The following RNF125 variants were observed in gnomAD, a reference collection of about 807,000 sequenced individuals.
RNF125 encodes the protein E3 ubiquitin-protein ligase RNF125.
Under a neutral mutation model 26.0 loss-of-function variants are expected in RNF125, and 21 were observed. The observed-to-expected ratio is 0.81, with a 90% CI of 0.57 to 1.16. The LOEUF is 1.16. Among genes scored for constraint, RNF125 ranks in the 50% most tolerant of loss-of-function variants. The pLI, the probability that RNF125 is intolerant of heterozygous loss-of-function variation, is 0.00. For missense variants in RNF125, 270 were observed against 299.4 expected, an observed-to-expected ratio of 0.90 and a Z score of 0.72; for synonymous variants, 95 against 109.2, an observed-to-expected ratio of 0.87 and a Z score of 0.81.
intron 2 of RNF125, among the ~76,000 whole-genome samples, chr18:32,038,174 G>A (rs112151377): frequency 6.7e-6 from 1 of 150,014 alleles, no homozygotes; most frequent in East Asian, 2.0e-4. Context: ...TCAGCTTCCC[G>A]AGTAGCTGGG....
At chr18:32,040,514 C>T (rs182974840) in intron 2 of RNF125, among the ~76,000 whole-genome samples, 30 of 151,816 alleles carry the variant, frequency 2.0e-4, no homozygotes, top group African/African-American at 7.0e-4. Flanking sequence ...AGGTAATCCA[C>T]CCACTTCAGC....
At chr18:32,020,459 G>T (rs2038976297) in intron 1 of RNF125, among the ~76,000 whole-genome samples, 1 of 151,982 alleles carries the variant, frequency 6.6e-6, no homozygotes, top group Admixed American at 6.6e-5. Flanking sequence ...ATAGTATGAT[G>T]AAGCCATGTG....
chr18:32,049,368 G>A (rs903097487), intron 4 of RNF125, among the ~76,000 whole-genome samples: 2 of 152,166 alleles, frequency 1.3e-5, no homozygotes, highest in African/African-American at 4.8e-5. Flanking sequence ...AATGGGGATG[G>A]TGATGACATT....
At chr18:32,067,775 AG>A (rs2039497995) in intron 5 of RNF125, among the ~76,000 whole-genome samples, 1 of 152,126 alleles carries the variant, frequency 6.6e-6, no homozygotes, top group Non-Finnish European at 1.5e-5. Context: ...GGAAGAGGAG[AG>A]GGATTGCAGA....
intron 1 of RNF125, among the ~76,000 whole-genome samples, chr18:32,035,077 G>T (rs2039139846): frequency 6.6e-6 from 1 of 152,050 alleles, no homozygotes; most frequent in Non-Finnish European, 1.5e-5. Context: ...GTCTATACTT[G>T]ACTTGGCTTG....
At chr18:32,079,114 A>G in the RNF125 span, among the ~76,000 whole-genome samples, 1 of 152,184 alleles carries the variant, frequency 6.6e-6, no homozygotes, top group Non-Finnish European at 1.5e-5. Context: ...TAGAAATTCA[A>G]TTCATGTGTC....
chr18:32,032,184 C>T (rs906536619), intron 1 of RNF125, among the ~76,000 whole-genome samples: 3 of 152,316 alleles, frequency 2.0e-5, no homozygotes, highest in Middle Eastern at 6.8e-3. Context: ...TCAAGTGATT[C>T]TCCCACCTCA....
intron 2 of RNF125, among the ~76,000 whole-genome samples, chr18:32,039,869 T>TGA (rs1182122904): frequency 2.0e-5 from 3 of 151,522 alleles, no homozygotes; most frequent in Non-Finnish European, 4.4e-5. Context: ...AACCTCCACT[T>TGA]TGCACGTTCA....
At chr18:32,031,232 T>C (rs1331165314) in intron 1 of RNF125, 2 of 151,848 alleles carry the variant, frequency 1.3e-5, no homozygotes, top group African/African-American at 4.8e-5. Flanking sequence ...TTGAAAAGAC[T>C]ACAAAATTTG....
chr18:32,083,610 A>C, the RNF125 span, among the ~76,000 whole-genome samples: 1 of 152,106 alleles, frequency 6.6e-6, no homozygotes, highest in Non-Finnish European at 1.5e-5. Flanking sequence ...TGCCCAGAGG[A>C]TGTTAATAAA....
intron 4 of RNF125, among the ~76,000 whole-genome samples, chr18:32,051,882 G>A (rs2039332304): frequency 6.6e-6 from 1 of 151,382 alleles, no homozygotes; most frequent in Admixed American, 6.6e-5. Flanking sequence ...TAGAGTTGGG[G>A]TTTCACCATG....
At chr18:32,087,105 C>T in the RNF125 span, among the ~76,000 whole-genome samples, 96 of 152,168 alleles carry the variant, frequency 6.3e-4, no homozygotes, top group Non-Finnish European at 1.1e-3. Context: ...AAGCTCTGCA[C>T]CTCTTCCCCC....
intron 4 of RNF125, among the ~76,000 whole-genome samples, chr18:32,057,050 A>AG (rs2039392648): frequency 6.6e-6 from 1 of 152,156 alleles, no homozygotes; most frequent in African/African-American, 2.4e-5. Flanking sequence ...GAGTGCTTGA[A>AG]GTTTTCCAGA....
chr18:32,085,201 T>C, the RNF125 span, among the ~76,000 whole-genome samples: 1 of 152,016 alleles, frequency 6.6e-6, no homozygotes, highest in African/African-American at 2.4e-5. Context: ...GGATGATTAA[T>C]ATGGGAAACT....
downstream of RNF125, among the ~76,000 whole-genome samples, chr18:32,073,540 C>T (rs1400761346): frequency 1.3e-5 from 2 of 152,210 alleles, no homozygotes; most frequent in Admixed American, 6.5e-5. Flanking sequence ...ATTTGGTCAA[C>T]ATAATACTGA....
chr18:32,026,327 C>T (rs970348019), intron 1 of RNF125, among the ~76,000 whole-genome samples: 4 of 146,052 alleles, frequency 2.7e-5, no homozygotes, highest in African/African-American at 1.0e-4. Context: ...GGGCTCACTG[C>T]AACCTCTGCC....
chr18:32,019,613 A>G (rs1206231960), intron 1 of RNF125, among the ~76,000 whole-genome samples: 3 of 151,978 alleles, frequency 2.0e-5, no homozygotes, highest in Admixed American at 1.3e-4. Flanking sequence ...CCCTTTCCCA[A>G]CACAGACACC....
intron 1 of RNF125, among the ~76,000 whole-genome samples, chr18:32,033,845 A>T (rs2144454715): frequency 6.6e-6 from 1 of 152,080 alleles, no homozygotes; most frequent in Non-Finnish European, 1.5e-5. Flanking sequence ...CAAACAAAAA[A>T]GTAGAAGGGA....
At position 32,068,381 on chromosome 18, in the gene RNF125, A is replaced by G. The variant is rs767405359; in HGVS notation, c.696A>G (p.Thr232=). Reference sequence around the variant, plus strand: ...AATATGTGAATCACTCGAACACCACATAATTTTATTAAAACGAAGGGAAAA... The same window carrying G: ...AATATGTGAATCACTCGAACACCACGTAATTTTATTAAAACGAAGGGAAAA... ...LLEYVNHSNT[T] The change falls in exon 6 of 6, where the codon ACA becomes ACG. Residue 232 remains threonine (T), a synonymous_variant. Transcript: ENST00000217740. 8 of 1,569,698 alleles carry G rather than the reference A, an allele frequency of 5.1e-6. No homozygotes were observed. The highest frequency in any genetic ancestry group is 1.4e-5 in the African/African-American group (1 of 74,006).
Sources: gnomAD v4.1 joint callset for allele counts (sites outside exome capture counted in the v4.1 genomes callset) on GRCh38, gnomAD v4.1.1 for gene constraint, MANE v1.5 for transcripts, NCBI Gene and HGNC (gene_info 2026-07-23, HGNC 2026-07-21) for gene names.